The following CNBD1 variants were observed in gnomAD, a reference collection of about 807,000 sequenced individuals.
CNBD1 encodes the protein cyclic nucleotide-binding domain-containing protein 1.
A neutral mutation model predicts 54.4 loss-of-function variants in CNBD1; 71 were observed. The observed-to-expected ratio is 1.30, with a 90% CI of 1.08 to 1.59. CNBD1 has a LOEUF of 1.59. Ranked by LOEUF, CNBD1 falls within the 40% of genes most tolerant of loss-of-function variation. The probability of loss-of-function intolerance (pLI) is 0.00; values close to 1 mark genes in which losing one functional copy is unlikely to be tolerated. For synonymous variants in CNBD1, 182 were observed against 170.7 expected (o/e 1.07, Z -0.51); for missense variants, 659 against 518.0 (o/e 1.27, Z -2.64).
intron 1 of CNBD1, among the ~76,000 whole-genome samples, chr8:86,880,713 A>G (rs2131778465): frequency 6.6e-6 from 1 of 152,308 alleles, no homozygotes; most frequent in South Asian, 2.1e-4. Context: ...GGTTATAGAT[A>G]CAACAACAAA....
chr8:87,381,131 G>C (rs146429786), intron 10 of CNBD1, among the ~76,000 whole-genome samples: 27 of 152,034 alleles, frequency 1.8e-4, no homozygotes, highest in African/African-American at 6.5e-4. Flanking sequence ...TTTGCAAACC[G>C]TGCAACTGAT....
intron 4 of CNBD1, among the ~76,000 whole-genome samples, chr8:87,114,783 C>T (rs1008031433): frequency 2.0e-5 from 3 of 152,160 alleles, no homozygotes; most frequent in Non-Finnish European, 4.4e-5. Flanking sequence ...TAGGGAATGA[C>T]ACTGATTTAC....
Position 87,353,793 on chromosome 8 carries a change from G to A in CNBD1, c.1303+7G>A. 1 of 1,586,788 alleles carries A rather than the reference G, an allele frequency of 6.3e-7. No homozygotes were observed. The highest frequency in any genetic ancestry group is 8.6e-7 in the Non-Finnish European group (1 of 1,167,778). On this transcript the variant is annotated splice_region_variant and intron_variant, in intron 10 of 10. Transcript: ENST00000518476. ...GAAGATAAGGACCTATTTGGTAAAT[G>A]CATAAATATCTTTTAACTGTTATAC...
At chr8:87,321,681 A>C (rs970281725) in intron 8 of CNBD1, among the ~76,000 whole-genome samples, 1 of 151,818 alleles carries the variant, frequency 6.6e-6, no homozygotes, top group Non-Finnish European at 1.5e-5. Flanking sequence ...CTGCACAAAA[A>C]CTTTTTAATT....
intron 8 of CNBD1, among the ~76,000 whole-genome samples, chr8:87,340,189 T>C (rs1419301702): frequency 6.6e-6 from 1 of 152,234 alleles, no homozygotes; most frequent in Non-Finnish European, 1.5e-5. Context: ...CTTTCAACAT[T>C]GAATATGTTA....
At chr8:87,254,794 C>G (rs955181001) in intron 6 of CNBD1, among the ~76,000 whole-genome samples, 1 of 152,150 alleles carries the variant, frequency 6.6e-6, no homozygotes, top group Non-Finnish European at 1.5e-5. Context: ...TTCAGCACTC[C>G]TTTTATTTAG....
At chr8:87,162,497 G>A (rs931960847) in intron 4 of CNBD1, among the ~76,000 whole-genome samples, 1 of 152,052 alleles carries the variant, frequency 6.6e-6, no homozygotes, top group Non-Finnish European at 1.5e-5. Flanking sequence ...TGATAATTTT[G>A]TGGTAGTTGT....
intron 2 of CNBD1, among the ~76,000 whole-genome samples, chr8:87,414,742 A>G (rs1204467573): frequency 6.6e-6 from 1 of 151,924 alleles, no homozygotes; most frequent in East Asian, 1.9e-4. Flanking sequence ...TTTCAAAATT[A>G]CTGGTGTGAC....
intron 5 of CNBD1, among the ~76,000 whole-genome samples, chr8:87,207,634 ATT>A (rs1347687936): frequency 2.6e-5 from 4 of 152,130 alleles, no homozygotes; most frequent in Non-Finnish European, 5.9e-5. Context: ...AGTTGGTTTT[ATT>A]CTCTCACAAT....
chr8:87,298,651 AT>A (rs564492164), intron 8 of CNBD1, among the ~76,000 whole-genome samples: 1 of 151,674 alleles, frequency 6.6e-6, no homozygotes, highest in Non-Finnish European at 1.5e-5. Flanking sequence ...AGCCTGGCTA[AT>A]TTTTTGTAGT....
Position 87,071,767 on chromosome 8 carries a change from TAAG to T in CNBD1, c.431+132019_431+132021del, listed in dbSNP as rs568369968. Among the ~76,000 whole-genome samples, 301 of 152,274 alleles carry T rather than the reference TAAG, an allele frequency of 2.0e-3. 1 individual carries two copies. Among genetic ancestry groups the T allele is most frequent in the African/African-American group, 6.6e-3 (273 of 41,582 alleles). ...TTTTAGAGTAAGTGTCATGTGGCGA[TAAG>T]AAGAATGTATATTCTGTTGTTTTGG... On this transcript the variant is annotated intron_variant, in intron 4 of 10. Transcript: ENST00000518476.
At chr8:87,397,889 A>G (rs113628178) in intron 2 of CNBD1, among the ~76,000 whole-genome samples, 1,821 of 152,060 alleles carry the variant, frequency 0.012, 39 homozygotes, top group African/African-American at 0.039. Context: ...GGTTTCAAAA[A>G]TGAGAGTTTC....
chr8:87,262,549 G>T (rs757670478), intron 6 of CNBD1, among the ~76,000 whole-genome samples: 1 of 152,096 alleles, frequency 6.6e-6, no homozygotes, highest in Non-Finnish European at 1.5e-5. Flanking sequence ...GCAGAGAAAA[G>T]GTAAATTTGC....
At position 87,111,640 on chromosome 8, in the gene CNBD1, G is replaced by C. The variant is rs569759732; in HGVS notation, c.432-94353G>C. 2.6e-4 allele frequency among the ~76,000 whole-genome samples: 39 copies of C among 152,276 alleles called. 1 individual carries two copies. In the South Asian group the frequency reaches 6.2e-3, roughly 24 times the overall value. On this transcript the variant is annotated intron_variant, in intron 4 of 10. Transcript: ENST00000518476. ...GGAAAGGGATTGACTTTCCATTGAG[G>C]AAGCTGGTCAGCCTTTTGTTTATTT...
At chr8:87,271,903 C>T (rs1324271241) in intron 6 of CNBD1, among the ~76,000 whole-genome samples, 1 of 151,906 alleles carries the variant, frequency 6.6e-6, no homozygotes, top group African/African-American at 2.4e-5. Context: ...GGTATATATA[C>T]ACAATGGAAT....
intron 10 of CNBD1, among the ~76,000 whole-genome samples, chr8:87,372,191 A>G (rs1458386045): frequency 6.6e-6 from 1 of 151,720 alleles, no homozygotes; most frequent in East Asian, 1.9e-4. Context: ...TTATACACCA[A>G]TAACAGACAA....
chr8:87,327,581 C>T, intron 8 of CNBD1, among the ~76,000 whole-genome samples: 1 of 152,166 alleles, frequency 6.6e-6, no homozygotes. Context: ...GTGCGTCAGT[C>T]ACCCCTTTTT....
chr8:87,056,094 T>C (rs1810412327), intron 4 of CNBD1, among the ~76,000 whole-genome samples: 1 of 152,084 alleles, frequency 6.6e-6, no homozygotes, highest in African/African-American at 2.4e-5. Flanking sequence ...ACTTTACAGA[T>C]AAAGAGTCCT....
At chr8:87,314,739 C>A (rs1227537453) in intron 8 of CNBD1, among the ~76,000 whole-genome samples, 1 of 151,750 alleles carries the variant, frequency 6.6e-6, no homozygotes, top group Non-Finnish European at 1.5e-5. Context: ...TTTATAATAG[C>A]TCTTTGTCAA....
Sources: gnomAD v4.1 joint callset for allele counts (sites outside exome capture counted in the v4.1 genomes callset) on GRCh38, gnomAD v4.1.1 for gene constraint, MANE v1.5 for transcripts, NCBI Gene and HGNC (gene_info 2026-07-23, HGNC 2026-07-21) for gene names.